Variants in C1QTNF3 observed in about 807,000 individuals in gnomAD.
C1QTNF3 encodes complement C1q tumor necrosis factor-related protein 3.
C1QTNF3 carries 26 observed loss-of-function variants against 32.6 expected under a neutral mutation model. That is an observed-to-expected ratio of 0.80 (90% confidence interval 0.58 to 1.11). The LOEUF is 1.11. Among genes scored for constraint, C1QTNF3 ranks in the 50% least tolerant of loss-of-function variants. The pLI, the probability that C1QTNF3 is intolerant of heterozygous loss-of-function variation, is 0.00. For synonymous variants in C1QTNF3, 155 were observed against 146.0 expected (o/e 1.06, Z -0.44); for missense variants, 362 against 398.2 (o/e 0.91, Z 0.77).
the C1QTNF3 span, among the ~76,000 whole-genome samples, chr5:34,064,831 G>T: frequency 1.3e-5 from 2 of 152,142 alleles, no homozygotes; most frequent in African/African-American, 4.8e-5. Context: ...TTCTCTTAAG[G>T]CCTTCAACTG....
the C1QTNF3 span, among the ~76,000 whole-genome samples, chr5:34,063,622 G>C: frequency 6.6e-6 from 1 of 152,150 alleles, no homozygotes; most frequent in Admixed American, 6.5e-5. Context: ...TCCTGGCAAG[G>C]GTGGTGGGGA....
chr5:34,237,686 C>T, the C1QTNF3 span, among the ~76,000 whole-genome samples: 6 of 151,968 alleles, frequency 3.9e-5, no homozygotes, highest in Non-Finnish European at 1.5e-5. Context: ...GATGGAGAGG[C>T]CTGAAGCAAT....
At chr5:34,049,693 T>C in the C1QTNF3 span, among the ~76,000 whole-genome samples, 14 of 152,352 alleles carry the variant, frequency 9.2e-5, 1 homozygote, top group South Asian at 1.4e-3. Flanking sequence ...CTAATGTGAC[T>C]GTGAGAGCTG....
the C1QTNF3 span, among the ~76,000 whole-genome samples, chr5:34,114,557 T>C: frequency 6.6e-6 from 1 of 152,174 alleles, no homozygotes; most frequent in Non-Finnish European, 1.5e-5. Context: ...ATATTTCATA[T>C]AGTTATTTTA....
the C1QTNF3 span, among the ~76,000 whole-genome samples, chr5:34,218,813 A>G: frequency 3.9e-5 from 6 of 152,228 alleles, no homozygotes; most frequent in Admixed American, 2.0e-4. Context: ...TGCTTTCTGA[A>G]TTTTAAAAGA....
chr5:34,125,942 C>T, the C1QTNF3 span, among the ~76,000 whole-genome samples: 16 of 152,106 alleles, frequency 1.1e-4, no homozygotes. Flanking sequence ...TGTCAAGGGG[C>T]TTGCTTCAGG....
At chr5:34,157,853 T>C in the C1QTNF3 span, among the ~76,000 whole-genome samples, 1 of 152,334 alleles carries the variant, frequency 6.6e-6, no homozygotes, top group South Asian at 2.1e-4. Context: ...TGTAAGACGA[T>C]GAACTTTTCT....
the C1QTNF3 span, among the ~76,000 whole-genome samples, chr5:34,075,954 T>C: frequency 5.3e-5 from 8 of 151,028 alleles, no homozygotes; most frequent in Admixed American, 4.6e-4. Flanking sequence ...AGGAAAAGAA[T>C]TTTGACACAA....
the C1QTNF3 span, among the ~76,000 whole-genome samples, chr5:34,203,152 G>A: frequency 6.6e-6 from 1 of 152,084 alleles, no homozygotes; most frequent in African/African-American, 2.4e-5. Context: ...CAAACTCATA[G>A]GTCTTGTAAA....
chr5:34,130,367 AG>A, the C1QTNF3 span, among the ~76,000 whole-genome samples: 1 of 151,790 alleles, frequency 6.6e-6, no homozygotes, highest in African/African-American at 2.4e-5. Flanking sequence ...ATCATTACAT[AG>A]CAATAAGCAA....
At chr5:34,061,710 A>G in the C1QTNF3 span, among the ~76,000 whole-genome samples, 1 of 152,178 alleles carries the variant, frequency 6.6e-6, no homozygotes, top group Non-Finnish European at 1.5e-5. Context: ...TGAGACACAG[A>G]GCACTAAGTC....
chr5:34,235,232 AC>A, the C1QTNF3 span, among the ~76,000 whole-genome samples: 1 of 152,096 alleles, frequency 6.6e-6, no homozygotes, highest in African/African-American at 2.4e-5. Context: ...AATCAGAAAA[AC>A]CTGAGCTTTT....
At chr5:34,243,933 C>A in the C1QTNF3 span, among the ~76,000 whole-genome samples, 1 of 152,122 alleles carries the variant, frequency 6.6e-6, no homozygotes, top group East Asian at 1.9e-4. Context: ...CTGAAAAAAA[C>A]TGAAATTATA....
chr5:34,217,656 T>C, the C1QTNF3 span, among the ~76,000 whole-genome samples: 4 of 152,144 alleles, frequency 2.6e-5, no homozygotes, highest in Admixed American at 6.6e-5. Flanking sequence ...CTGGGAAATG[T>C]GGTATTGTGC....
the C1QTNF3 span, among the ~76,000 whole-genome samples, chr5:34,212,233 C>G: frequency 3.3e-5 from 5 of 151,898 alleles, no homozygotes; most frequent in South Asian, 8.3e-4. Flanking sequence ...CCCTTCCTTA[C>G]ACCTTATACA....
At chr5:34,022,773 CT>C (rs1366966395) in intron 5 of C1QTNF3, among the ~76,000 whole-genome samples, 10 of 152,208 alleles carry the variant, frequency 6.6e-5, no homozygotes, top group Non-Finnish European at 1.2e-4. Context: ...CAACAGCAAG[CT>C]TTTCTCCTTC....
chr5:34,183,327 C>CTTTTTT, the C1QTNF3 span, among the ~76,000 whole-genome samples: 5 of 140,258 alleles, frequency 3.6e-5, no homozygotes, highest in Admixed American at 6.8e-5. Context: ...TTTTAATTTT[C>CTTTTTT]TTTTTTTTTT....
the C1QTNF3 span, among the ~76,000 whole-genome samples, chr5:34,242,154 G>GA: frequency 6.6e-6 from 1 of 151,932 alleles, no homozygotes; most frequent in Non-Finnish European, 1.5e-5. Context: ...CACAGAATTA[G>GA]AAAAAAACTA....
At chr5:34,033,068 G>A in intron 3 of C1QTNF3, 1 of 446,782 alleles carries the variant, frequency 2.2e-6, no homozygotes, top group Non-Finnish European at 3.9e-6. Flanking sequence ...GGTTCTATGA[G>A]GGACTTAGAT....
Sources: gnomAD v4.1 joint callset for allele counts (sites outside exome capture counted in the v4.1 genomes callset) on GRCh38, gnomAD v4.1.1 for gene constraint, MANE v1.5 for transcripts, NCBI Gene and HGNC (gene_info 2026-07-23, HGNC 2026-07-21) for gene names.